The following BPIFB3 variants were observed in gnomAD, a reference collection of about 807,000 sequenced individuals.
The protein encoded by BPIFB3 is BPI fold-containing family B member 3.
A neutral mutation model predicts 53.1 loss-of-function variants in BPIFB3; 49 were observed. That is an observed-to-expected ratio of 0.92 (90% CI 0.73 to 1.17). The LOEUF (loss-of-function observed/expected upper bound fraction) is 1.17, where lower values mean the gene tolerates loss of function less well. Ranked by LOEUF, BPIFB3 falls within the 50% of genes most tolerant of loss-of-function variation. The probability of loss-of-function intolerance (pLI) is 0.00; values close to 1 mark genes in which losing one functional copy is unlikely to be tolerated. For synonymous variants in BPIFB3, 271 were observed against 269.6 expected, an observed-to-expected ratio of 1.01 and a Z score of -0.05; for missense variants, 628 against 592.5, an observed-to-expected ratio of 1.06 and a Z score of -0.62.
At chr20:33,059,524 C>A in intron 3 of BPIFB3, 42 bp downstream of exon 4, 2 of 1,444,736 alleles carry the variant, frequency 1.4e-6, no homozygotes, top group South Asian at 1.2e-5. Context: ...GCTTCCTATC[C>A]CACCCCCTGA....
chr20:33,069,772 G>A, intron 10 of BPIFB3, 116 bp from the exon 12 acceptor site: 2 of 1,031,158 alleles, frequency 1.9e-6, no homozygotes, highest in South Asian at 1.3e-5. Context: ...CACAGACCCT[G>A]ACACACAGTA....
intron 6 of BPIFB3, among the ~76,000 whole-genome samples, chr20:33,064,143 T>C (rs1432850128): frequency 2.0e-5 from 3 of 152,154 alleles, no homozygotes; most frequent in African/African-American, 7.2e-5. Flanking sequence ...AGGAAAAGAA[T>C]AGAAAACTTG....
Position 33,064,449 on chromosome 20 carries a change from C to T in BPIFB3, c.653-8C>T, listed in dbSNP as rs1980580844. ...TAGGGTCGTTCTCGCCCCCACTTTC[C>T]CACGCAGGCCTGGTGTCCCTTGGGG... On this transcript the variant is annotated splice_region_variant and splice_polypyrimidine_tract_variant and intron_variant, in intron 6 of 14. Transcript: ENST00000375494. 6.2e-7 allele frequency: 1 copy of T among 1,613,164 alleles called. No individual in the cohort carries two copies. Among genetic ancestry groups the T allele is most frequent in the African/African-American group, 1.3e-5 (1 of 74,914 alleles).
intron 14 of BPIFB3, 26 bp downstream of exon 15, chr20:33,072,819 C>T (rs1980964492): frequency 2.5e-6 from 4 of 1,572,282 alleles, no homozygotes; most frequent in Admixed American, 3.3e-5. Flanking sequence ...AGATACGGCC[C>T]AGGTGGGCCT....
At chr20:33,063,642 G>A (rs763525254) in exon 6 of BPIFB3, 2 of 1,614,086 alleles carry the variant, frequency 1.2e-6, no homozygotes, top group Non-Finnish European at 8.5e-7. Flanking sequence ...CAGTGTGCTG[G>A]GTGTGGTGAA....
chr20:33,065,909 G>C (rs4911291), intron 8 of BPIFB3, among the ~76,000 whole-genome samples: 58,676 of 152,012 alleles, frequency 0.39, 12,035 homozygotes, highest in East Asian at 0.79. Context: ...CTGGGGAGAG[G>C]GTGTCTTCCA....
intron 10 of BPIFB3, 25 bp from the exon 12 acceptor site, chr20:33,069,863 A>T (rs1980813107): frequency 6.2e-7 from 1 of 1,613,816 alleles, no homozygotes; most frequent in Admixed American, 1.7e-5. Context: ...ATTGGGGGTG[A>T]CTTCTGCCTG....
Position 33,069,876 on chromosome 20 carries a change from T to C in BPIFB3, c.1150-12T>C. 1.2e-6 allele frequency: 2 copies of C among 1,614,196 alleles called. No individual in the cohort carries two copies. Among genetic ancestry groups the C allele is most frequent in the East Asian group, 2.2e-5 (1 of 44,886 alleles). On this transcript the variant is annotated splice_polypyrimidine_tract_variant and intron_variant, in intron 10 of 14. Coordinates refer to ENST00000375494, the Ensembl canonical transcript of BPIFB3. ...CGATTGGGGGTGACTTCTGCCTGCT[T>C]TGCCCATGCAGGTCATGACTGTGCG...
chr20:33,072,798 G>T lies in BPIFB3; in HGVS notation c.1401+5G>T. 1 of 1,609,760 alleles carries T rather than the reference G, an allele frequency of 6.2e-7. No individual in the cohort carries two copies. On this transcript the variant is annotated splice_donor_5th_base_variant and intron_variant, in intron 14 of 14. Coordinates refer to ENST00000375494, the Ensembl canonical transcript of BPIFB3. ...TCAGTTCTGGAGATCGTAGAGGTGA[G>T]CCTTCTCTGCAGATACGGCCCAGGT...
chr20:33,064,334 C>A, intron 6 of BPIFB3, 123 bp from the exon 8 acceptor site: 1 of 778,468 alleles, frequency 1.3e-6, no homozygotes, highest in Non-Finnish European at 2.1e-6. Flanking sequence ...ATGACAGTAG[C>A]AGCCAAGTGA....
intron 8 of BPIFB3, among the ~76,000 whole-genome samples, chr20:33,065,869 G>A (rs1304390278): frequency 2.6e-5 from 4 of 152,170 alleles, no homozygotes; most frequent in Non-Finnish European, 5.9e-5. Flanking sequence ...CACTCTGAAG[G>A]CCTCTGGGAG....
Position 33,060,951 on chromosome 20 carries a change from G to A in BPIFB3, c.528-817G>A, listed in dbSNP as rs142693033. The stretch of plus-strand genomic sequence containing the variant: ...GCACAGATCCGGCAGGGATGGAGAG[G>A]GGCTGCGCTCTGGCTGGGTCCAAGG... On this transcript the variant is annotated intron_variant, in intron 4 of 14. Coordinates refer to ENST00000375494, the Ensembl canonical transcript of BPIFB3. 7.9e-5 allele frequency among the ~76,000 whole-genome samples: 12 copies of A among 152,326 alleles called. No individual in the cohort carries two copies. The East Asian group carries it at 2.3e-3, about 29-fold the overall frequency.
At chr20:33,058,765 G>A (rs1600536771) in intron 2 of BPIFB3, among the ~76,000 whole-genome samples, 1 of 152,054 alleles carries the variant, frequency 6.6e-6, no homozygotes, top group South Asian at 2.1e-4. Flanking sequence ...TGGGATAGGC[G>A]CTCAGAGGGC....
intron 3 of BPIFB3, 87 bp downstream of exon 4, chr20:33,059,569 T>A (rs1482925340): frequency 3.4e-6 from 3 of 888,616 alleles, no homozygotes; most frequent in Non-Finnish European, 5.3e-6. Flanking sequence ...GTCCCCCCAC[T>A]CCCACCCCTC....
At chr20:33,056,738 CT>C in intron 2 of BPIFB3, 40 bp downstream of exon 3, 1 of 1,515,626 alleles carries the variant, frequency 6.6e-7, no homozygotes, top group Non-Finnish European at 8.8e-7. Flanking sequence ...GAAGACTTGG[CT>C]TTGCTTCCAG....
exon 11 of BPIFB3, chr20:33,069,888 G>A: frequency 1.2e-6 from 2 of 1,614,194 alleles, no homozygotes; most frequent in Admixed American, 1.7e-5. Context: ...GCCCATGCAG[G>A]TCATGACTGT....
rs140433476 is a variant in BPIFB3, at chr20:33,062,220, T to G, written c.591+389T>G. 2.3e-3 allele frequency among the ~76,000 whole-genome samples: 347 copies of G among 152,322 alleles called. 3 individuals carry two copies. The highest frequency in any genetic ancestry group is 8.1e-3 in the African/African-American group (338 of 41,578). On this transcript the variant is annotated intron_variant, in intron 5 of 14. Transcript: ENST00000375494. ...CATGTCTAGAAAAACACATGTACCTTTATTCATACATCACAATTAAACATA... is the reference window on the plus strand; with the variant it reads ...CATGTCTAGAAAAACACATGTACCTGTATTCATACATCACAATTAAACATA...
At chr20:33,054,086 G>A (rs1364148134), upstream of BPIFB3, among the ~76,000 whole-genome samples, 2 of 152,156 alleles carry the variant, frequency 1.3e-5, no homozygotes, top group Non-Finnish European at 2.9e-5. Flanking sequence ...GAGACTGGGG[G>A]TACCAAGAGG....
At chr20:33,067,764 G>A (rs1163443287) in intron 9 of BPIFB3, among the ~76,000 whole-genome samples, 1 of 152,186 alleles carries the variant, frequency 6.6e-6, no homozygotes, top group Non-Finnish European at 1.5e-5. Context: ...GGGGAAGCTG[G>A]GCTTGTCTCT....
Sources: allele counts gnomAD v4.1 joint callset (sites outside exome capture counted in the v4.1 genomes callset), GRCh38; gene constraint gnomAD v4.1.1; transcripts MANE v1.5; gene names NCBI Gene and HGNC (gene_info 2026-07-23, HGNC 2026-07-21).